DCLK3: variants seen among roughly 807,000 people sequenced by gnomAD.
The protein encoded by DCLK3 is serine/threonine-protein kinase DCLK3.
A neutral mutation model predicts 46.4 loss-of-function variants in DCLK3; 30 were observed. The observed-to-expected ratio is 0.65, with a 90% CI of 0.48 to 0.88. DCLK3 has a LOEUF of 0.88. Ranked by LOEUF, DCLK3 falls within the 40% of genes least tolerant of loss-of-function variation. The probability of loss-of-function intolerance (pLI) is 0.00; values close to 1 mark genes in which losing one functional copy is unlikely to be tolerated. For synonymous variants in DCLK3, 401 were observed against 339.2 expected, an observed-to-expected ratio of 1.18 and a Z score of -2.00; for missense variants, 846 against 907.1, an observed-to-expected ratio of 0.93 and a Z score of 0.87.
At chr3:36,735,627 C>A (rs1701252470) in intron 2 of DCLK3, among the ~76,000 whole-genome samples, 1 of 152,236 alleles carries the variant, frequency 6.6e-6, no homozygotes, top group Non-Finnish European at 1.5e-5. Context: ...TCCCTTCCCC[C>A]ACCTTCCCAG....
intron 1 of DCLK3, among the ~76,000 whole-genome samples, chr3:36,745,132 C>T (rs1701382190): frequency 6.6e-6 from 1 of 152,178 alleles, no homozygotes; most frequent in Non-Finnish European, 1.5e-5. Context: ...CTTATAATTA[C>T]TTTTCTCTGT....
intron 2 of DCLK3, among the ~76,000 whole-genome samples, chr3:36,727,181 C>A (rs1020026133): frequency 2.0e-5 from 3 of 152,188 alleles, no homozygotes; most frequent in Admixed American, 2.0e-4. Flanking sequence ...CCCAGCTACT[C>A]AGGAGGCTGA....
At chr3:36,755,016 T>C (rs150189655) in intron 1 of DCLK3, among the ~76,000 whole-genome samples, 271 of 152,310 alleles carry the variant, frequency 1.8e-3, no homozygotes, top group African/African-American at 6.1e-3. Context: ...GCTTTTGACA[T>C]AACTGCAATA....
At chr3:36,722,622 T>C (rs1048319755) in intron 2 of DCLK3, among the ~76,000 whole-genome samples, 10 of 152,022 alleles carry the variant, frequency 6.6e-5, no homozygotes, top group Admixed American at 6.6e-4. Flanking sequence ...ATCATGGGAG[T>C]GGGTCTTTCC....
chr3:36,751,060 ATCT>A (rs1701435993), intron 1 of DCLK3, among the ~76,000 whole-genome samples: 9 of 102,812 alleles, frequency 8.8e-5, no homozygotes, highest in Admixed American at 2.4e-4. Context: ...AGACGGGATG[ATCT>A]AAAAAAAAAA....
In DCLK3 at chr3:36,738,377, A is replaced by G; in HGVS notation, c.790T>C (p.Trp264Arg). Residue 264 changes from tryptophan to arginine, a missense_variant, in exon 2 of 5, where the codon TGG becomes CGG. Physicochemically the swap from Trp to Arg is moderately radical, Grantham distance 101. This residue lies in a region of DCLK3 where 553 missense variants were observed against 543.0 expected (regional missense o/e 1.02). Coordinates refer to ENST00000636136, the MANE Select transcript of DCLK3 (RefSeq NM_001394672.2). ...TCTGGCTCCCATTTCCCCCTCCCCC[A>G]CTTCTTCTGGGTCCTCGCTCTGTCA... ...LDDRARTQKK[W>R]GRGKWEPEPS... is the part of the protein sequence containing the mutation. The G allele has an allele frequency of 2.7e-6, 4 of 1,482,878 alleles. No individual in the cohort carries two copies. In the South Asian group the frequency reaches 5.8e-5, roughly 22 times the overall value. 91.9% of individuals were successfully genotyped at this position (1,482,878 alleles called of 1,614,324 possible).
intron 2 of DCLK3, among the ~76,000 whole-genome samples, chr3:36,722,802 C>T (rs1450633394): frequency 6.6e-6 from 1 of 152,214 alleles, no homozygotes; most frequent in Non-Finnish European, 1.5e-5. Context: ...CATGTGGAAC[C>T]ATAGTCCATT....
intron 1 of DCLK3, among the ~76,000 whole-genome samples, chr3:36,741,384 A>G (rs1465270719): frequency 6.6e-6 from 1 of 152,182 alleles, no homozygotes; most frequent in African/African-American, 2.4e-5. Context: ...AGGGACAGAG[A>G]AAGAGATTTT....
intron 1 of DCLK3, among the ~76,000 whole-genome samples, chr3:36,751,842 C>A (rs1701444511): frequency 6.6e-6 from 1 of 152,192 alleles, no homozygotes; most frequent in African/African-American, 2.4e-5. Context: ...ACGGAAGAAC[C>A]CAATAAATCC....
rs1232584094 is a variant in DCLK3, at chr3:36,714,176, G to C, written c.*1152C>G. 6.6e-6 allele frequency: 1 copy of C among 152,170 alleles called. No individual in the cohort carries two copies. Among genetic ancestry groups the C allele is most frequent in the Non-Finnish European group, 1.5e-5 (1 of 68,034 alleles). 9.4% of individuals were successfully genotyped at this position (152,170 alleles called of 1,614,324 possible). On this transcript the variant is annotated 3_prime_UTR_variant, in exon 5 of 5. Coordinates refer to ENST00000636136, the MANE Select transcript of DCLK3 (RefSeq NM_001394672.2). Reference sequence around the variant, plus strand: ...GTGCTTCTTCCATTTTCCAAAACCTGATTAAGCAATTCCTTATGTTGAATT... The same window carrying C: ...GTGCTTCTTCCATTTTCCAAAACCTCATTAAGCAATTCCTTATGTTGAATT...
At chr3:36,734,519 A>AAT (rs1349231134) in intron 2 of DCLK3, among the ~76,000 whole-genome samples, 1 of 151,944 alleles carries the variant, frequency 6.6e-6, no homozygotes, top group Non-Finnish European at 1.5e-5. Flanking sequence ...TTTTATTTGA[A>AAT]ATATATATAT....
intron 2 of DCLK3, among the ~76,000 whole-genome samples, chr3:36,729,515 C>T (rs1444020815): frequency 1.3e-5 from 2 of 152,212 alleles, no homozygotes; most frequent in South Asian, 2.1e-4. Context: ...ACATTATTTA[C>T]GTAGGCATTC....
In DCLK3 at chr3:36,748,991, C is replaced by G. The variant is rs182015072; in HGVS notation, c.83-9907G>C. Among the ~76,000 whole-genome samples the G allele has an allele frequency of 1.6e-4, 24 of 152,294 alleles. No individual in the cohort carries two copies. The East Asian group carries it at 4.6e-3, about 29-fold the overall frequency. ...CTTTGACCAGACCTCCCCCTGGGGA[C>G]AGCTTCTCTTTCAGTCTCACCCTAG... On this transcript the variant is annotated intron_variant, in intron 1 of 4. Coordinates refer to ENST00000636136, the MANE Select transcript of DCLK3 (RefSeq NM_001394672.2).
chr3:36,753,109 A>C lies in DCLK3; in HGVS notation c.82+11073T>G, dbSNP rs184778991. On this transcript the variant is annotated intron_variant, in intron 1 of 4. Coordinates refer to ENST00000636136, the MANE Select transcript of DCLK3 (RefSeq NM_001394672.2). ...CTATTACTGGCTGAATTTTTAGTGG[A>C]TGGTAGTTAATTGTAGGTTAAAAAA... Among the ~76,000 whole-genome samples, 4 of 152,338 alleles carry C rather than the reference A, an allele frequency of 2.6e-5. No homozygotes were observed. In the East Asian group the frequency reaches 7.7e-4, roughly 29 times the overall value.
At chr3:36,760,234 C>T (rs879835740) in intron 1 of DCLK3, among the ~76,000 whole-genome samples, 1 of 152,186 alleles carries the variant, frequency 6.6e-6, no homozygotes, top group Non-Finnish European at 1.5e-5. Flanking sequence ...CTCTTCAGGT[C>T]CCACAAAGGA....
chr3:36,738,235 C>A lies in DCLK3; in HGVS notation c.932G>T (p.Cys311Phe), dbSNP rs762459709. ...CTGCTGGAGCTCCCTCTCTCTCTTG[C>A]ACTTCTCGCATCTGATAATTTCACC... Reference protein sequence around the residue: ...TSGEIIRCEKCKRERELQQSL... With the variant: ...TSGEIIRCEKFKRERELQQSL... The change falls in exon 2 of 5, where the codon TGC becomes TTC. Residue 311 changes from cysteine to phenylalanine, a missense_variant. By Grantham distance (205) the Cys-to-Phe change is radical. Coordinates refer to ENST00000636136, the MANE Select transcript of DCLK3 (RefSeq NM_001394672.2). 1 of 1,590,774 alleles carries A rather than the reference C, an allele frequency of 6.3e-7. No individual in the cohort carries two copies. Among genetic ancestry groups the A allele is most frequent in the Non-Finnish European group, 8.5e-7 (1 of 1,172,282 alleles).
At position 36,737,637 on chromosome 3, in the gene DCLK3, C is replaced by T; in HGVS notation, c.1530G>A (p.Lys510=). The T allele has an allele frequency of 6.2e-7, 1 of 1,614,014 alleles. No homozygotes were observed. Among genetic ancestry groups the T allele is most frequent in the African/African-American group, 1.3e-5 (1 of 75,066 alleles). Residue 510 remains lysine (K), a synonymous_variant, in exon 2 of 5, where the codon AAG becomes AAA. Transcript: ENST00000636136. The surrounding 1 kb of genome is among the most constrained non-coding windows in gnomAD (Gnocchi z 4.4). ...CGGCAATGATGCCCATGGGCCGTGGCTTCCGACCGCTGGGCCGCTCTGGCT... is the reference window on the plus strand; with the variant it reads ...CGGCAATGATGCCCATGGGCCGTGGTTTCCGACCGCTGGGCCGCTCTGGCT... The part of the protein sequence containing the change: ...ENKPERPSGR[K]PRPMGIIAAN...
intron 1 of DCLK3, among the ~76,000 whole-genome samples, chr3:36,747,994 G>A (rs1049438852): frequency 6.6e-6 from 1 of 152,194 alleles, no homozygotes; most frequent in African/African-American, 2.4e-5. Context: ...AAAATATGCA[G>A]CCCTCAGTGG....
In DCLK3 at chr3:36,737,844, A is replaced by G; in HGVS notation, c.1323T>C (p.His441=). ...KDTRPMSRSK[H]GGWLLREHQA... is the part of the protein sequence containing the mutation. ...GGTGCTCTCTCAGGAGCCAGCCACC[A>G]TGTTTGCTCCTGCTCATGGGCCTGG... Residue 441 remains histidine, a synonymous_variant, in exon 2 of 5, where the codon CAT becomes CAC. Coordinates refer to ENST00000636136, the MANE Select transcript of DCLK3 (RefSeq NM_001394672.2). This position sits in a 1 kb window ranked among gnomAD's most constrained non-coding sequence, Gnocchi z 4.4. 1 of 1,613,832 alleles carries G rather than the reference A, an allele frequency of 6.2e-7. No homozygotes were observed. Among genetic ancestry groups the G allele is most frequent in the Non-Finnish European group, 8.5e-7 (1 of 1,180,010 alleles).
Sources: allele counts gnomAD v4.1 joint callset (sites outside exome capture counted in the v4.1 genomes callset), GRCh38; gene constraint gnomAD v4.1.1; regional missense constraint gnomAD v4.1.1; non-coding constraint Gnocchi (gnomAD v3.1); transcripts MANE v1.5; gene names NCBI Gene and HGNC (gene_info 2026-07-23, HGNC 2026-07-21).